The following DPP10 variants were observed in gnomAD, a reference collection of about 807,000 sequenced individuals.
DPP10 encodes dipeptidyl peptidase like 10.
A neutral mutation model predicts 120.9 loss-of-function variants in DPP10; 33 were observed. The observed-to-expected ratio is 0.27, with a 90% CI of 0.21 to 0.37. The LOEUF (loss-of-function observed/expected upper bound fraction) is 0.37. Ranked by LOEUF, DPP10 falls within the 10% of genes least tolerant of loss-of-function variation. The pLI is 1.00. For synonymous variants in DPP10, 337 were observed against 326.1 expected (o/e 1.03, Z -0.36); for missense variants, 816 against 942.8 (o/e 0.87, Z 1.76).
At chr2:115,438,364 A>G (rs1169618501) in intron 3 of DPP10, among the ~76,000 whole-genome samples, 1 of 152,158 alleles carries the variant, frequency 6.6e-6, no homozygotes, top group African/African-American at 2.4e-5. Context: ...AAGAAATGCC[A>G]CTGCTATGTA....
intron 1 of DPP10, among the ~76,000 whole-genome samples, chr2:115,166,612 A>T (rs760687434): frequency 2.8e-5 from 4 of 145,170 alleles, no homozygotes; most frequent in African/African-American, 7.9e-5. Flanking sequence ...TATTAAGAAC[A>T]TACAACAAAT....
chr2:114,585,909 T>C (rs887029407), intron 1 of DPP10, among the ~76,000 whole-genome samples: 3 of 152,214 alleles, frequency 2.0e-5, no homozygotes, highest in Non-Finnish European at 4.4e-5. Flanking sequence ...TTGAGAATGA[T>C]GTGACTTTGT....
chr2:115,047,347 C>T (rs1477253540), intron 1 of DPP10, among the ~76,000 whole-genome samples: 1 of 151,854 alleles, frequency 6.6e-6, no homozygotes, highest in African/African-American at 2.4e-5. Flanking sequence ...TCGCTCTTTG[C>T]CAACAATACT....
intron 1 of DPP10, among the ~76,000 whole-genome samples, chr2:114,843,912 T>C (rs1372766319): frequency 6.6e-6 from 1 of 152,146 alleles, no homozygotes; most frequent in Non-Finnish European, 1.5e-5. Context: ...AAAGCAAACC[T>C]AATTTCACAA....
chr2:115,014,932 G>C (rs1011612702), intron 1 of DPP10, among the ~76,000 whole-genome samples: 1 of 150,674 alleles, frequency 6.6e-6, no homozygotes, highest in African/African-American at 2.4e-5. Context: ...ACAAAGAGGA[G>C]CTGGTACCAT....
At chr2:115,442,289 T>C (rs1304685313) in intron 3 of DPP10, among the ~76,000 whole-genome samples, 1 of 152,060 alleles carries the variant, frequency 6.6e-6, no homozygotes, top group Non-Finnish European at 1.5e-5. Context: ...TGATCAGATA[T>C]CCAGGTCCAG....
rs66927327 is a variant in DPP10 at position 115,459,938 on chromosome 2, T to TATATATATATACACAC, written c.272-39571_272-39570insTATATATATACACACA. 3.0e-3 allele frequency among the ~76,000 whole-genome samples: 382 copies of TATATATATATACACAC among 128,514 alleles called. 2 individuals carry two copies. The highest frequency in any genetic ancestry group is 0.025 in the Middle Eastern group (6 of 244). The allele number at this position is 128,514 out of a possible 152,430, so 84.3% of individuals were successfully genotyped here. A position where few individuals can be genotyped will look rare whatever the true frequency, so the allele number is the denominator to read the frequency against. ...AAAACATATATTTTATATATATATA[T>TATATATATATACACAC]ACACACACACACCTTTGTTTGCATT... On this transcript the variant is annotated intron_variant, in intron 3 of 25. Transcript: ENST00000410059.
At chr2:114,888,127 A>C (rs1692223303) in intron 1 of DPP10, among the ~76,000 whole-genome samples, 1 of 147,838 alleles carries the variant, frequency 6.8e-6, no homozygotes, top group African/African-American at 2.5e-5. Context: ...TGGGCGACAG[A>C]GCGAGCCTCC....
chr2:115,219,292 T>A (rs2057008962), intron 1 of DPP10, among the ~76,000 whole-genome samples: 1 of 152,136 alleles, frequency 6.6e-6, no homozygotes, highest in South Asian at 2.1e-4. Flanking sequence ...AAAATTATAT[T>A]GCATTTATTT....
intron 3 of DPP10, among the ~76,000 whole-genome samples, chr2:115,344,979 A>G (rs1042171912): frequency 1.3e-5 from 2 of 152,182 alleles, no homozygotes; most frequent in Non-Finnish European, 2.9e-5. Flanking sequence ...ACTTTAATTT[A>G]TGGAAGCTAT....
intron 1 of DPP10, among the ~76,000 whole-genome samples, chr2:115,050,695 G>A (rs1240038245): frequency 1.3e-5 from 2 of 152,158 alleles, no homozygotes; most frequent in South Asian, 4.1e-4. Flanking sequence ...CAAATCCTCA[G>A]GAAAAACCGA....
chr2:115,183,391 C>T (rs957974891), intron 1 of DPP10, among the ~76,000 whole-genome samples: 12 of 152,156 alleles, frequency 7.9e-5, no homozygotes, highest in African/African-American at 2.4e-4. Context: ...AAATGCCCCC[C>T]AGCGGTCATC....
Position 115,842,637 on chromosome 2 carries a change from CCT to C in DPP10, c.*293_*294del, listed in dbSNP as rs772156228. On this transcript the variant is annotated 3_prime_UTR_variant, in exon 26 of 26. Transcript: ENST00000410059. ...AGTGCATGTTTTCTTCTGTTATCCC[CCT>C]GTTTGTTCTGTAACTAGTTGCTCTC... is the stretch of plus-strand genomic sequence containing the variant. 4.6e-4 allele frequency: 105 copies of C among 229,196 alleles called. No homozygotes were observed. The highest frequency in any genetic ancestry group is 1.4e-3 in the Middle Eastern group (1 of 716). The allele number at this position is 229,196 out of a possible 1,614,324, so 14.2% of individuals were successfully genotyped here.
intron 3 of DPP10, among the ~76,000 whole-genome samples, chr2:115,402,024 G>C (rs1344647533): frequency 6.6e-6 from 1 of 152,168 alleles, no homozygotes; most frequent in Non-Finnish European, 1.5e-5. Flanking sequence ...AACACAGGAA[G>C]TATACCATCC....
intron 1 of DPP10, among the ~76,000 whole-genome samples, chr2:114,531,635 A>G (rs1685996810): frequency 6.6e-6 from 1 of 150,404 alleles, no homozygotes; most frequent in South Asian, 2.1e-4. Flanking sequence ...CATATCTCCT[A>G]TTGGTTCTGT....
chr2:114,989,231 A>T (rs1700610575), intron 1 of DPP10, among the ~76,000 whole-genome samples: 1 of 152,084 alleles, frequency 6.6e-6, no homozygotes, highest in Non-Finnish European at 1.5e-5. Flanking sequence ...AACACTTCTC[A>T]GTTCATAGGA....
chr2:114,509,481 G>C lies in DPP10; in HGVS notation c.60+66643G>C, dbSNP rs1327016110. Among the ~76,000 whole-genome samples, 12 of 152,304 alleles carry C rather than the reference G, an allele frequency of 7.9e-5. No homozygotes were observed. The South Asian group carries it at 2.1e-3, about 26-fold the overall frequency. On this transcript the variant is annotated intron_variant, in intron 1 of 25. Transcript: ENST00000410059. ...ATTTGTATAAGGTTACATGTTTGGA[G>C]GGTAGCAGGCCTGGAGACTAAATTC...
At chr2:115,283,649 G>A (rs1199266837) in intron 1 of DPP10, among the ~76,000 whole-genome samples, 1 of 152,014 alleles carries the variant, frequency 6.6e-6, no homozygotes, top group Admixed American at 6.6e-5. Context: ...AGGTAGGGGA[G>A]AGGTCAAATA....
chr2:115,508,684 C>G (rs1405656802), intron 4 of DPP10, among the ~76,000 whole-genome samples: 1 of 152,134 alleles, frequency 6.6e-6, no homozygotes, highest in East Asian at 1.9e-4. Context: ...GCAGGTGGAT[C>G]ACAAGGTCAA....
Sources: allele counts gnomAD v4.1 joint callset (sites outside exome capture counted in the v4.1 genomes callset), GRCh38; gene constraint gnomAD v4.1.1; transcripts MANE v1.5; gene names NCBI Gene and HGNC (gene_info 2026-07-23, HGNC 2026-07-21).